The following FTCDNL1 variants were observed in gnomAD, a reference collection of about 807,000 sequenced individuals.
FTCDNL1 encodes formiminotransferase N-terminal subdomain-containing protein.
A neutral mutation model predicts 5.9 loss-of-function variants in FTCDNL1; 11 were observed. The ratio of observed to expected loss-of-function variants is 1.87; its 90% CI spans 1.18 to 3.10. The LOEUF is 3.10. Among genes scored for constraint, FTCDNL1 ranks in the 30% most tolerant of loss-of-function variants. The pLI, the probability that FTCDNL1 is intolerant of heterozygous loss-of-function variation, is 0.00. For synonymous variants in FTCDNL1, 58 were observed against 24.8 expected, an observed-to-expected ratio of 2.34 and a Z score of -3.99; for missense variants, 115 against 65.5, an observed-to-expected ratio of 1.76 and a Z score of -2.61.
At chr2:199,841,116 AC>A in intron 3 of FTCDNL1, among the ~76,000 whole-genome samples, 1 of 151,852 alleles carries the variant, frequency 6.6e-6, no homozygotes, top group East Asian at 1.9e-4. Flanking sequence ...ATGCCACTGC[AC>A]TCCAGCCTGG....
chr2:199,806,268 A>AC (rs905521034), downstream of FTCDNL1, among the ~76,000 whole-genome samples: 15 of 151,938 alleles, frequency 9.9e-5, no homozygotes, highest in Non-Finnish European at 1.9e-4. Flanking sequence ...AGCTTTCCTA[A>AC]CCCCCCAAGC....
the FTCDNL1 span, among the ~76,000 whole-genome samples, chr2:199,675,161 T>C: frequency 2.0e-5 from 3 of 152,182 alleles, no homozygotes; most frequent in African/African-American, 7.2e-5. Context: ...ATCATCCCTA[T>C]CTACCAGTTT....
Position 199,811,374 on chromosome 2 carries a change from T to C in FTCDNL1, c.*1331A>G, listed in dbSNP as rs973290518. On this transcript the variant is annotated 3_prime_UTR_variant, in exon 5 of 5. Transcript: ENST00000420128. ...AATAGCCTTATGTCCTAAAATCTAA[T>C]GTACTTATCCTATTTTGACTCAAGG... Among the ~76,000 whole-genome samples the C allele has an allele frequency of 6.6e-6, 1 of 152,224 alleles. No homozygotes were observed. The highest frequency in any genetic ancestry group is 2.4e-5 in the African/African-American group (1 of 41,460).
chr2:199,735,611 CT>C, the FTCDNL1 span, among the ~76,000 whole-genome samples: 2 of 152,040 alleles, frequency 1.3e-5, no homozygotes, highest in African/African-American at 4.8e-5. Context: ...AAAAAAACTT[CT>C]TTTATAGAAA....
the FTCDNL1 span, among the ~76,000 whole-genome samples, chr2:199,679,443 T>C: frequency 2.6e-5 from 4 of 152,122 alleles, no homozygotes; most frequent in African/African-American, 4.8e-5. Context: ...TGCCTCTTCA[T>C]TGGAAAGTTT....
chr2:199,711,367 G>A, the FTCDNL1 span, among the ~76,000 whole-genome samples: 2 of 141,346 alleles, frequency 1.4e-5, no homozygotes, highest in Non-Finnish European at 3.1e-5. Context: ...GGGTTGTGAG[G>A]GGGCGGGGGG....
the FTCDNL1 span, among the ~76,000 whole-genome samples, chr2:199,735,838 G>T: frequency 6.6e-6 from 1 of 152,124 alleles, no homozygotes; most frequent in Non-Finnish European, 1.5e-5. Flanking sequence ...ATAAATATCT[G>T]TTGCATATTT....
the FTCDNL1 span, among the ~76,000 whole-genome samples, chr2:199,730,716 G>T: frequency 6.6e-6 from 1 of 152,208 alleles, no homozygotes; most frequent in Non-Finnish European, 1.5e-5. Flanking sequence ...AGGATGTGAA[G>T]AAATAGGAAC....
chr2:199,765,500 T>C (rs1698468905), intron 3 of FTCDNL1, among the ~76,000 whole-genome samples: 1 of 145,616 alleles, frequency 6.9e-6, no homozygotes, highest in Admixed American at 6.9e-5. Context: ...AGCCTGAAAC[T>C]ACTACCACGT....
chr2:199,787,801 G>C (rs1218076084), intron 3 of FTCDNL1, among the ~76,000 whole-genome samples: 1 of 152,102 alleles, frequency 6.6e-6, no homozygotes, highest in East Asian at 1.9e-4. Context: ...TTAGATTGAA[G>C]GAAACAGAGT....
chr2:199,795,743 G>C (rs951609349), intron 3 of FTCDNL1, among the ~76,000 whole-genome samples: 5 of 152,192 alleles, frequency 3.3e-5, no homozygotes, highest in African/African-American at 1.2e-4. Context: ...CATTCAAGGA[G>C]CAGGGGGGCC....
At chr2:199,796,999 A>G (rs964461263) in intron 3 of FTCDNL1, among the ~76,000 whole-genome samples, 5 of 152,116 alleles carry the variant, frequency 3.3e-5, no homozygotes, top group Non-Finnish European at 5.9e-5. Flanking sequence ...CCACTAGATA[A>G]CCCAGAAAAA....
chr2:199,823,437 A>G (rs1359262635), intron 3 of FTCDNL1, among the ~76,000 whole-genome samples: 2 of 152,198 alleles, frequency 1.3e-5, no homozygotes, highest in Non-Finnish European at 2.9e-5. Context: ...ATCACTATCT[A>G]CGGCAGCTAT....
downstream of FTCDNL1, among the ~76,000 whole-genome samples, chr2:199,804,948 T>A (rs1334236776): frequency 6.6e-6 from 1 of 151,794 alleles, no homozygotes; most frequent in Non-Finnish European, 1.5e-5. Context: ...ACAGCAGGGG[T>A]CCTCAGAGCC....
At chr2:199,765,029 C>G (rs537295018) in intron 3 of FTCDNL1, among the ~76,000 whole-genome samples, 1 of 152,278 alleles carries the variant, frequency 6.6e-6, no homozygotes, top group East Asian at 1.9e-4. Context: ...TGTGGGCCTT[C>G]TTTCGCCCAT....
intron 3 of FTCDNL1, among the ~76,000 whole-genome samples, chr2:199,776,524 G>A (rs1012768572): frequency 3.3e-5 from 5 of 152,196 alleles, no homozygotes; most frequent in Admixed American, 6.5e-5. Flanking sequence ...ACAAGTATGG[G>A]ATTTAACTAA....
chr2:199,720,750 T>C, the FTCDNL1 span, among the ~76,000 whole-genome samples: 2 of 152,222 alleles, frequency 1.3e-5, no homozygotes, highest in African/African-American at 4.8e-5. Flanking sequence ...AAAGACCTTT[T>C]TTCAAGTAAG....
In FTCDNL1 at chr2:199,848,833, G is replaced by T; in HGVS notation, c.115+15C>A. On this transcript the variant is annotated intron_variant, in intron 2 of 4. Transcript: ENST00000420128. Reference sequence around the variant, plus strand: ...AACACTATAATATTCAGCTTCAATTGTCTGTTTTTCCTACCATTTTTGTCA... The same window carrying T: ...AACACTATAATATTCAGCTTCAATTTTCTGTTTTTCCTACCATTTTTGTCA... 4.3e-6 allele frequency: 3 copies of T among 701,492 alleles called. No individual in the cohort carries two copies. The highest frequency in any genetic ancestry group is 7.8e-6 in the Non-Finnish European group (3 of 384,514). 43.5% of individuals were successfully genotyped at this position (701,492 alleles called of 1,614,324 possible).
At chr2:199,734,551 T>C in the FTCDNL1 span, among the ~76,000 whole-genome samples, 1 of 152,318 alleles carries the variant, frequency 6.6e-6, no homozygotes, top group African/African-American at 2.4e-5. Context: ...TTTAAATATC[T>C]TTAAATCAAT....
Sources: allele counts gnomAD v4.1 joint callset (sites outside exome capture counted in the v4.1 genomes callset), GRCh38; gene constraint gnomAD v4.1.1; transcripts MANE v1.5; gene names NCBI Gene and HGNC (gene_info 2026-07-23, HGNC 2026-07-21).